Variants in FGD4 observed in about 807,000 individuals in gnomAD.
The protein encoded by FGD4 is FYVE, RhoGEF and PH domain-containing protein 4.
A neutral mutation model predicts 102.0 loss-of-function variants in FGD4; 42 were observed. The observed-to-expected ratio is 0.41, with a 90% CI of 0.32 to 0.53. The LOEUF (loss-of-function observed/expected upper bound fraction) is 0.53, where lower values mean the gene tolerates loss of function less well. Among genes scored for constraint, FGD4 ranks in the 20% least tolerant of loss-of-function variants. The pLI, the probability that FGD4 is intolerant of heterozygous loss-of-function variation, is 0.21. For missense variants in FGD4, 902 were observed against 1,078.2 expected (o/e 0.84, Z 2.29); for synonymous variants, 380 against 375.7 (o/e 1.01, Z -0.13).
chr12:32,618,384 G>C (rs899066080), intron 10 of FGD4, among the ~76,000 whole-genome samples: 1 of 152,118 alleles, frequency 6.6e-6, no homozygotes, highest in Admixed American at 6.6e-5. Flanking sequence ...AGTGTTAACA[G>C]GAAAAACTTA....
intron 1 of FGD4, among the ~76,000 whole-genome samples, chr12:32,424,777 A>G (rs147585911): frequency 1.3e-5 from 2 of 152,320 alleles, no homozygotes; most frequent in East Asian, 3.9e-4. Context: ...CTGGTGTGAG[A>G]TGGTATCTCA....
At chr12:32,512,054 T>G (rs923723937) in intron 1 of FGD4, 1 of 152,198 alleles carries the variant, frequency 6.6e-6, no homozygotes, top group Non-Finnish European at 1.5e-5. Flanking sequence ...TTTTTATGAT[T>G]GTGTATATCG....
intron 1 of FGD4, among the ~76,000 whole-genome samples, chr12:32,469,889 C>T (rs1943371144): frequency 6.6e-6 from 1 of 151,946 alleles, no homozygotes; most frequent in Non-Finnish European, 1.5e-5. Flanking sequence ...GAACTCCCAA[C>T]TTCAGATGAT....
chr12:32,444,174 C>G (rs1201142829), intron 1 of FGD4, among the ~76,000 whole-genome samples: 2 of 151,742 alleles, frequency 1.3e-5, no homozygotes, highest in African/African-American at 4.8e-5. Context: ...CAGGCATGAG[C>G]CACCACACCT....
intron 11 of FGD4, among the ~76,000 whole-genome samples, chr12:32,620,287 C>G (rs982917208): frequency 3.3e-5 from 5 of 151,948 alleles, no homozygotes; most frequent in African/African-American, 1.2e-4. Context: ...ATTTTAGGGC[C>G]TTAGGGGCAA....
intron 1 of FGD4, among the ~76,000 whole-genome samples, chr12:32,520,281 A>G (rs1308897029): frequency 2.0e-5 from 3 of 152,190 alleles, no homozygotes; most frequent in African/African-American, 7.2e-5. Context: ...AAACGAATAC[A>G]AGAGCTTTAA....
chr12:32,622,902 C>A (rs535013050), intron 11 of FGD4, among the ~76,000 whole-genome samples: 6 of 152,304 alleles, frequency 3.9e-5, no homozygotes, highest in African/African-American at 1.4e-4. Context: ...CTATCATGCT[C>A]TTTTAAGAAT....
intron 1 of FGD4, among the ~76,000 whole-genome samples, chr12:32,444,927 A>G (rs968435744): frequency 6.6e-6 from 1 of 152,236 alleles, no homozygotes; most frequent in Non-Finnish European, 1.5e-5. Context: ...TGATATTATT[A>G]ATAGATATGT....
intron 1 of FGD4, among the ~76,000 whole-genome samples, chr12:32,479,553 C>T (rs1160630985): frequency 6.7e-6 from 1 of 149,952 alleles, no homozygotes; most frequent in Non-Finnish European, 1.5e-5. Context: ...ACATAACTTT[C>T]TGATTATATT....
chr12:32,420,074 T>C (rs1157416656), intron 1 of FGD4, among the ~76,000 whole-genome samples: 3 of 152,162 alleles, frequency 2.0e-5, no homozygotes, highest in Non-Finnish European at 2.9e-5. Flanking sequence ...CTGCCTTTTG[T>C]ATGTAGTTAG....
At chr12:32,602,070 A>T in intron 6 of FGD4, 91 bp from the exon 7 acceptor site, 1 of 1,165,754 alleles carries the variant, frequency 8.6e-7, no homozygotes. Flanking sequence ...AGCTGTGATA[A>T]TGCCACTGCA....
chr12:32,573,742 T>A (rs1193377039), intron 2 of FGD4, among the ~76,000 whole-genome samples: 1 of 152,222 alleles, frequency 6.6e-6, no homozygotes, highest in Non-Finnish European at 1.5e-5. Context: ...ATTTGATACC[T>A]CCTCTGTGCT....
intron 10 of FGD4, among the ~76,000 whole-genome samples, chr12:32,615,670 T>G (rs762121412): frequency 1.3e-5 from 2 of 151,756 alleles, no homozygotes; most frequent in Non-Finnish European, 2.9e-5. Flanking sequence ...GTGTGGCATA[T>G]GAAGCGGGAG....
At position 32,419,074 on chromosome 12, in the gene FGD4, C is replaced by G. The variant is rs1397598401; in HGVS notation, c.166+19115C>G. 2.6e-5 allele frequency among the ~76,000 whole-genome samples: 4 copies of G among 152,236 alleles called. No individual in the cohort carries two copies. The East Asian group carries it at 7.7e-4, about 29-fold the overall frequency. ...AAGGGCTCTTCCGTCAGCTTGTGAC[C>G]AATGCTGCCAGCTCTGGGACTCACC... is the stretch of plus-strand genomic sequence containing the variant. On this transcript the variant is annotated intron_variant, in intron 1 of 16. Coordinates refer to ENST00000534526, the MANE Select transcript of FGD4 (RefSeq NM_001370298.3).
At chr12:32,540,916 C>A (rs1490883163) in intron 1 of FGD4, among the ~76,000 whole-genome samples, 3 of 152,036 alleles carry the variant, frequency 2.0e-5, no homozygotes, top group African/African-American at 4.8e-5. Flanking sequence ...CCCCATCGAG[C>A]CTTGCAGTTC....
chr12:32,484,987 A>G (rs1341387974), intron 1 of FGD4, among the ~76,000 whole-genome samples: 1 of 152,202 alleles, frequency 6.6e-6, no homozygotes, highest in African/African-American at 2.4e-5. Flanking sequence ...ATGTAACGTC[A>G]ACCTTCTATG....
chr12:32,595,006 G>C (rs1947768805), intron 4 of FGD4, among the ~76,000 whole-genome samples: 1 of 148,954 alleles, frequency 6.7e-6, no homozygotes, highest in Non-Finnish European at 1.5e-5. Context: ...ACTTCAGCCT[G>C]GGTGACAGAG....
In FGD4 at chr12:32,566,313, C is replaced by T. The variant is rs950540652; in HGVS notation, c.319+2024C>T. 8.5e-5 allele frequency among the ~76,000 whole-genome samples: 13 copies of T among 152,126 alleles called. No homozygotes were observed. In the South Asian group the frequency reaches 1.7e-3, roughly 19 times the overall value. On this transcript the variant is annotated intron_variant, in intron 2 of 16. Transcript: ENST00000534526. ...TCATGACCTACTCACCTCCCAAAGGCCCCACCTCTTCATATTGTCACCTTG... is the reference window on the plus strand; with the variant it reads ...TCATGACCTACTCACCTCCCAAAGGTCCCACCTCTTCATATTGTCACCTTG...
chr12:32,642,820 C>CT lies in FGD4; in HGVS notation c.*2288dup, dbSNP rs1951227101. ...CCGCTTCTCTCTTATTAAAGAATCACTGATGTTTTTACTCAATGAAAGGTA... is the reference window on the plus strand; with the variant it reads ...CCGCTTCTCTCTTATTAAAGAATCACTTGATGTTTTTACTCAATGAAAGGTA... On this transcript the variant is annotated 3_prime_UTR_variant, in exon 17 of 17. Transcript: ENST00000534526. The CT allele has an allele frequency of 6.6e-6, 1 of 152,480 alleles. No homozygotes were observed. Among genetic ancestry groups the CT allele is most frequent in the South Asian group, 2.1e-4 (1 of 4,828 alleles). 9.4% of individuals were successfully genotyped at this position (152,480 alleles called of 1,614,324 possible).
Sources: gnomAD v4.1 joint callset for allele counts (sites outside exome capture counted in the v4.1 genomes callset) on GRCh38, gnomAD v4.1.1 for gene constraint, MANE v1.5 for transcripts, NCBI Gene and HGNC (gene_info 2026-07-23, HGNC 2026-07-21) for gene names.